The following KIF6 variants were observed in gnomAD, a reference collection of about 807,000 sequenced individuals.
KIF6 encodes kinesin-like protein KIF6.
A neutral mutation model predicts 112.7 loss-of-function variants in KIF6; 106 were observed. That is an observed-to-expected ratio of 0.94 (90% CI 0.80 to 1.11). The LOEUF (loss-of-function observed/expected upper bound fraction) is 1.11, where lower values mean the gene tolerates loss of function less well. KIF6 is among the 50% of genes least tolerant of loss of function. The pLI is 0.00. For missense variants in KIF6, 929 were observed against 964.0 expected, an observed-to-expected ratio of 0.96 and a Z score of 0.48; for synonymous variants, 339 against 339.9, an observed-to-expected ratio of 1.00 and a Z score of 0.03.
chr6:39,420,712 T>C (rs1770301141), intron 14 of KIF6, among the ~76,000 whole-genome samples: 4 of 152,220 alleles, frequency 2.6e-5, no homozygotes, highest in African/African-American at 9.6e-5. Context: ...AATAAGCACA[T>C]TGGATACACG....
chr6:39,700,238 T>A (rs1475162354), intron 3 of KIF6, among the ~76,000 whole-genome samples: 1 of 152,218 alleles, frequency 6.6e-6, no homozygotes, highest in African/African-American at 2.4e-5. Context: ...CAATAGTAGG[T>A]CTTATTCATT....
chr6:39,440,265 C>T (rs1364743294), intron 13 of KIF6, among the ~76,000 whole-genome samples: 2 of 151,828 alleles, frequency 1.3e-5, no homozygotes, highest in African/African-American at 2.4e-5. Context: ...CGGTGGGAAT[C>T]GTATTGAAGG....
chr6:39,523,585 TTGAGAAGTTCCCTAG>T, intron 13 of KIF6, among the ~76,000 whole-genome samples: 1 of 140,768 alleles, frequency 7.1e-6, no homozygotes, highest in Non-Finnish European at 1.5e-5. Context: ...GCACATTTGC[TTGAGAAGTTCCCTAG>T]GCCTCAGTGC....
chr6:39,565,041 A>G (rs1367363398), intron 10 of KIF6, among the ~76,000 whole-genome samples: 1 of 152,246 alleles, frequency 6.6e-6, no homozygotes, highest in African/African-American at 2.4e-5. Flanking sequence ...TCCATATTGT[A>G]CTGAGAAGAG....
chr6:39,534,167 A>G (rs928207522), intron 13 of KIF6, among the ~76,000 whole-genome samples: 4 of 152,220 alleles, frequency 2.6e-5, no homozygotes, highest in Admixed American at 2.0e-4. Context: ...CTCCTCCTCC[A>G]AAGGAACGCA....
chr6:39,460,778 T>C (rs947690824), intron 13 of KIF6, among the ~76,000 whole-genome samples: 2 of 152,316 alleles, frequency 1.3e-5, no homozygotes, highest in East Asian at 1.9e-4. Context: ...TTTACTCTTA[T>C]AGAAAGTGCA....
At chr6:39,520,120 C>A (rs559114018) in intron 13 of KIF6, among the ~76,000 whole-genome samples, 1 of 152,088 alleles carries the variant, frequency 6.6e-6, no homozygotes, top group Non-Finnish European at 1.5e-5. Flanking sequence ...ATTCCTCTTC[C>A]GGAGCAGTTT....
At chr6:39,420,824 A>T (rs1172617300) in intron 14 of KIF6, among the ~76,000 whole-genome samples, 3 of 152,158 alleles carry the variant, frequency 2.0e-5, no homozygotes, top group Admixed American at 2.0e-4. Context: ...GCATTGTAAC[A>T]TAAGTCCTTC....
intron 3 of KIF6, among the ~76,000 whole-genome samples, chr6:39,684,824 C>T (rs1787761153): frequency 6.7e-6 from 1 of 150,172 alleles, no homozygotes. Context: ...TAAGAGTAAA[C>T]AAGTATTTTA....
chr6:39,390,531 C>A (rs1488069603), intron 15 of KIF6, among the ~76,000 whole-genome samples: 1 of 152,082 alleles, frequency 6.6e-6, no homozygotes, highest in Non-Finnish European at 1.5e-5. Context: ...TGGTTTGGGA[C>A]AGGGGCGGCA....
intron 6 of KIF6, among the ~76,000 whole-genome samples, chr6:39,608,397 C>A (rs1000813162): frequency 6.6e-6 from 1 of 152,186 alleles, no homozygotes; most frequent in African/African-American, 2.4e-5. Context: ...AATCATCTTG[C>A]ACAAACCTTA....
At chr6:39,546,056 C>T (rs1030843752) in intron 10 of KIF6, among the ~76,000 whole-genome samples, 15 of 152,156 alleles carry the variant, frequency 9.9e-5, no homozygotes, top group South Asian at 2.1e-4. Flanking sequence ...CATGTGACTC[C>T]GCTTCAGCTG....
At chr6:39,498,317 C>A (rs946144373) in intron 13 of KIF6, among the ~76,000 whole-genome samples, 1 of 152,156 alleles carries the variant, frequency 6.6e-6, no homozygotes, top group Non-Finnish European at 1.5e-5. Flanking sequence ...AATTTTAAAG[C>A]TCAATTTTAA....
chr6:39,665,985 G>C (rs186859511), intron 3 of KIF6, among the ~76,000 whole-genome samples: 2 of 152,138 alleles, frequency 1.3e-5, no homozygotes, highest in African/African-American at 4.8e-5. Flanking sequence ...ATCCTACCAT[G>C]AACATAATTA....
At chr6:39,593,136 T>C (rs1266594602) in intron 7 of KIF6, among the ~76,000 whole-genome samples, 3 of 152,200 alleles carry the variant, frequency 2.0e-5, no homozygotes, top group Admixed American at 1.3e-4. Context: ...CAGTCATTCA[T>C]TTATCCTCAT....
chr6:39,432,301 G>A (rs1433577813), intron 13 of KIF6, among the ~76,000 whole-genome samples: 1 of 152,212 alleles, frequency 6.6e-6, no homozygotes, highest in African/African-American at 2.4e-5. Context: ...GAATGAAGCT[G>A]GGTGGTGCTG....
intron 13 of KIF6, among the ~76,000 whole-genome samples, chr6:39,485,556 T>A (rs1025770764): frequency 6.6e-6 from 1 of 152,146 alleles, no homozygotes; most frequent in African/African-American, 2.4e-5. Flanking sequence ...CAGGAATCCA[T>A]AAAATCTGTA....
chr6:39,354,026 G>T, intron 19 of KIF6: 1 of 355,856 alleles, frequency 2.8e-6, no homozygotes, highest in South Asian at 2.4e-5. Flanking sequence ...GATAGATGAC[G>T]ATGGCAATGA....
At chr6:39,472,426 T>C (rs572241819) in intron 13 of KIF6, among the ~76,000 whole-genome samples, 8 of 152,316 alleles carry the variant, frequency 5.3e-5, no homozygotes, top group African/African-American at 1.7e-4. Context: ...AAAAGATAAA[T>C]TGTTGAGACT....
Sources: gnomAD v4.1 joint callset for allele counts (sites outside exome capture counted in the v4.1 genomes callset) on GRCh38, gnomAD v4.1.1 for gene constraint, MANE v1.5 for transcripts, NCBI Gene and HGNC (gene_info 2026-07-23, HGNC 2026-07-21) for gene names.